Variants in SCAPER observed in about 807,000 individuals in gnomAD.
SCAPER encodes the protein S phase cyclin A-associated protein in the endoplasmic reticulum.
SCAPER carries 98 observed loss-of-function variants against 182.2 expected under a neutral mutation model. The ratio of observed to expected loss-of-function variants is 0.54; its 90% CI spans 0.46 to 0.64. The LOEUF (loss-of-function observed/expected upper bound fraction) is 0.64. Ranked by LOEUF, SCAPER falls within the 30% of genes least tolerant of loss-of-function variation. SCAPER has a pLI of 0.00. For synonymous variants in SCAPER, 605 were observed against 564.6 expected, an observed-to-expected ratio of 1.07 and a Z score of -1.01; for missense variants, 1,432 against 1,690.0, an observed-to-expected ratio of 0.85 and a Z score of 2.68.
intron 2 of SCAPER, among the ~76,000 whole-genome samples, chr15:76,871,229 G>A (rs2072703603): frequency 6.6e-6 from 1 of 151,874 alleles, no homozygotes; most frequent in Admixed American, 6.6e-5. Context: ...CTAACATGGT[G>A]AAACCCTGCC....
At chr15:76,407,195 T>C (rs1421965793) in intron 26 of SCAPER, among the ~76,000 whole-genome samples, 1 of 152,218 alleles carries the variant, frequency 6.6e-6, no homozygotes, top group Non-Finnish European at 1.5e-5. Context: ...TTAGATAGTA[T>C]AGCCTAACCT....
intron 14 of SCAPER, among the ~76,000 whole-genome samples, chr15:76,761,662 C>A (rs2062795314): frequency 6.6e-6 from 1 of 152,136 alleles, no homozygotes; most frequent in Non-Finnish European, 1.5e-5. Context: ...GGTATGATTT[C>A]CATCTTCTTA....
At chr15:76,601,013 C>T (rs2049893380) in intron 22 of SCAPER, among the ~76,000 whole-genome samples, 1 of 121,146 alleles carries the variant, frequency 8.3e-6, no homozygotes, top group African/African-American at 2.5e-5. Flanking sequence ...ATTTCTAATA[C>T]TAGCAACAAA....
intron 17 of SCAPER, among the ~76,000 whole-genome samples, chr15:76,717,623 G>A (rs1393291960): frequency 1.3e-5 from 2 of 152,202 alleles, no homozygotes; most frequent in Middle Eastern, 3.4e-3. Context: ...CAGTTGTTAA[G>A]TGTAACAGTA....
chr15:76,353,857 GA>G (rs1419371116), intron 30 of SCAPER, 91 bp downstream of exon 30: 7 of 1,134,784 alleles, frequency 6.2e-6, no homozygotes, highest in Non-Finnish European at 8.3e-6. Context: ...AGGTAGTATG[GA>G]AGGCAAAAAT....
chr15:76,834,480 CAAAA>C, intron 5 of SCAPER, among the ~76,000 whole-genome samples: 1 of 152,012 alleles, frequency 6.6e-6, no homozygotes, highest in South Asian at 2.1e-4. Flanking sequence ...CCAAAACTAG[CAAAA>C]GAAAATAAAT....
At chr15:76,698,333 T>C (rs1208971821) in intron 20 of SCAPER, among the ~76,000 whole-genome samples, 1 of 152,136 alleles carries the variant, frequency 6.6e-6, no homozygotes, top group African/African-American at 2.4e-5. Flanking sequence ...ATAAATAACC[T>C]TAACTATATG....
At chr15:76,398,915 A>T (rs1273198455) in intron 27 of SCAPER, among the ~76,000 whole-genome samples, 1 of 152,192 alleles carries the variant, frequency 6.6e-6, no homozygotes, top group Non-Finnish European at 1.5e-5. Context: ...ACTGTAAATG[A>T]TTACTGATTA....
intron 17 of SCAPER, among the ~76,000 whole-genome samples, chr15:76,714,145 A>C (rs1245907366): frequency 6.6e-6 from 1 of 152,184 alleles, no homozygotes; most frequent in Non-Finnish European, 1.5e-5. Flanking sequence ...AGAGAAAGTA[A>C]ATCAGTGGCT....
At chr15:76,495,341 G>C (rs945474828) in intron 24 of SCAPER, among the ~76,000 whole-genome samples, 1 of 152,124 alleles carries the variant, frequency 6.6e-6, no homozygotes, top group Non-Finnish European at 1.5e-5. Flanking sequence ...ACTTTGGGAG[G>C]ACGAGGCAGG....
chr15:76,893,977 G>A (rs1426928127), intron 1 of SCAPER, among the ~76,000 whole-genome samples: 8 of 152,176 alleles, frequency 5.3e-5, no homozygotes, highest in African/African-American at 1.7e-4. Context: ...AGGGCCAGGC[G>A]CAGTGGCTCA....
chr15:76,615,293 A>C (rs2051349395), intron 22 of SCAPER, among the ~76,000 whole-genome samples: 1 of 151,988 alleles, frequency 6.6e-6, no homozygotes, highest in South Asian at 2.1e-4. Flanking sequence ...AAAAATTACA[A>C]AAATTATCCG....
At chr15:76,505,200 T>C (rs1296842937) in intron 23 of SCAPER, among the ~76,000 whole-genome samples, 1 of 152,078 alleles carries the variant, frequency 6.6e-6, no homozygotes, top group Non-Finnish European at 1.5e-5. Context: ...AAGCTTAAAA[T>C]TGGTAGATGG....
intron 27 of SCAPER, among the ~76,000 whole-genome samples, chr15:76,397,342 G>C (rs1370450242): frequency 6.6e-6 from 1 of 152,078 alleles, no homozygotes; most frequent in Non-Finnish European, 1.5e-5. Flanking sequence ...CTTGTAGAAA[G>C]AGTTTGGAAG....
chr15:76,736,157 TATTA>T (rs1408211720), intron 15 of SCAPER, among the ~76,000 whole-genome samples: 1 of 152,264 alleles, frequency 6.6e-6, no homozygotes, highest in Non-Finnish European at 1.5e-5. Flanking sequence ...TACTATGGCC[TATTA>T]ATTGTGCAAC....
intron 29 of SCAPER, among the ~76,000 whole-genome samples, chr15:76,375,736 A>G (rs2042512261): frequency 6.6e-6 from 1 of 152,186 alleles, no homozygotes; most frequent in Non-Finnish European, 1.5e-5. Context: ...TAATCTCAGC[A>G]CTTTGGGAGG....
At chr15:76,769,218 G>A (rs564069444) in intron 10 of SCAPER, among the ~76,000 whole-genome samples, 1 of 151,650 alleles carries the variant, frequency 6.6e-6, no homozygotes, top group Non-Finnish European at 1.5e-5. Context: ...CGAGGCGGGT[G>A]GATCACGAGG....
intron 23 of SCAPER, among the ~76,000 whole-genome samples, chr15:76,532,017 T>A (rs1299246038): frequency 6.6e-6 from 1 of 152,180 alleles, no homozygotes; most frequent in African/African-American, 2.4e-5. Flanking sequence ...TCATCTCAAC[T>A]TTTTTTAAAA....
chr15:76,841,487 A>T (rs539697121), intron 5 of SCAPER, among the ~76,000 whole-genome samples: 1 of 152,176 alleles, frequency 6.6e-6, no homozygotes, highest in African/African-American at 2.4e-5. Context: ...TCTCTACTAA[A>T]AATACAAAAA....
Sources: allele counts gnomAD v4.1 joint callset (sites outside exome capture counted in the v4.1 genomes callset), GRCh38; gene constraint gnomAD v4.1.1; transcripts MANE v1.5; gene names NCBI Gene and HGNC (gene_info 2026-07-23, HGNC 2026-07-21).